The following CFAP58 variants were observed in gnomAD, a reference collection of about 807,000 sequenced individuals.
CFAP58 encodes the protein cilia- and flagella-associated protein 58.
CFAP58 carries 88 observed loss-of-function variants against 119.5 expected under a neutral mutation model. The ratio of observed to expected loss-of-function variants is 0.74; its 90% CI spans 0.62 to 0.88. The LOEUF (loss-of-function observed/expected upper bound fraction) is 0.88. Ranked by LOEUF, CFAP58 falls within the 40% of genes least tolerant of loss-of-function variation. The probability of loss-of-function intolerance (pLI) is 0.00; values close to 1 mark genes in which losing one functional copy is unlikely to be tolerated. For synonymous variants in CFAP58, 365 were observed against 366.3 expected, an observed-to-expected ratio of 1.00 and a Z score of 0.04; for missense variants, 990 against 1,021.2, an observed-to-expected ratio of 0.97 and a Z score of 0.42.
rs774381414 is a variant in CFAP58, at chr10:104,366,026, C to G, written c.792+18C>G. ...AGCAGAAGGTGAGTTGGGTGTGGGT[C>G]TTCGCAAAAAACCAAGAAAAACCCA... On this transcript the variant is annotated intron_variant, in intron 5 of 17. Coordinates refer to ENST00000369704, the MANE Select transcript of CFAP58 (RefSeq NM_001008723.2). 4 of 1,544,118 alleles carry G rather than the reference C, an allele frequency of 2.6e-6. No homozygotes were observed. Among genetic ancestry groups the G allele is most frequent in the Admixed American group, 2.2e-5 (1 of 45,298 alleles).
chr10:104,382,013 C>T, intron 9 of CFAP58: 2 of 695,342 alleles, frequency 2.9e-6, no homozygotes, highest in Non-Finnish European at 5.4e-6. Context: ...GTTTACACTG[C>T]ACAAATAACC....
At chr10:104,370,370 T>C (rs1213613100) in intron 6 of CFAP58, among the ~76,000 whole-genome samples, 2 of 152,218 alleles carry the variant, frequency 1.3e-5, no homozygotes, top group East Asian at 3.8e-4. Flanking sequence ...CAGTTCCACA[T>C]GGCTGGGGAG....
chr10:104,424,407 C>T (rs1262604159), intron 15 of CFAP58, among the ~76,000 whole-genome samples: 3 of 152,134 alleles, frequency 2.0e-5, no homozygotes. Flanking sequence ...CTCTTACATC[C>T]TTTTGTCCTG....
intron 1 of CFAP58, among the ~76,000 whole-genome samples, chr10:104,356,316 A>G (rs186831069): frequency 1.3e-5 from 2 of 152,322 alleles, no homozygotes; most frequent in Admixed American, 1.3e-4. Context: ...GACTTTTTCC[A>G]TATTGGGCAA....
rs112897125 is a variant in CFAP58, at chr10:104,359,790, C to A, written c.291+1168C>A. Among the ~76,000 whole-genome samples the A allele has an allele frequency of 2.0e-3, 306 of 152,020 alleles. 1 individual carries two copies. The highest frequency in any genetic ancestry group is 0.015 in the South Asian group (70 of 4,822). The stretch of plus-strand genomic sequence containing the variant: ...CAGCCTTGGCAACAGAGCAAGACTC[C>A]GTCTCCAAAAACAAAACAAAATAAA... On this transcript the variant is annotated intron_variant, in intron 2 of 17. Coordinates refer to ENST00000369704, the MANE Select transcript of CFAP58 (RefSeq NM_001008723.2).
At chr10:104,398,243 G>T (rs1357460156) in intron 11 of CFAP58, among the ~76,000 whole-genome samples, 1 of 152,142 alleles carries the variant, frequency 6.6e-6, no homozygotes, top group Admixed American at 6.5e-5. Context: ...ATCTTCAATG[G>T]ATGGCGAATC....
rs1470382741 is a variant in CFAP58, at chr10:104,400,687, G to T, written c.1823G>T (p.Ser608Ile). ...RQKKELDQVI[S>I]ERDILGSQLV... is the part of the protein sequence containing the mutation. ...CCCTCCCTACCTTCCTAGGTCATCA[G>T]TGAGAGAGATATCCTGGGGTCTCAG... Residue 608 changes from serine (S) to isoleucine (I), a missense_variant, in exon 13 of 18, where the codon AGT becomes ATT. Ser to Ile is a moderately radical substitution (Grantham distance 142). Transcript: ENST00000369704. 3 of 1,613,656 alleles carry T rather than the reference G, an allele frequency of 1.9e-6. No individual in the cohort carries two copies. Among genetic ancestry groups the T allele is most frequent in the Non-Finnish European group, 2.5e-6 (3 of 1,179,914 alleles).
chr10:104,368,934 G>T (rs1475166378), intron 6 of CFAP58, among the ~76,000 whole-genome samples: 1 of 152,184 alleles, frequency 6.6e-6, no homozygotes, highest in African/African-American at 2.4e-5. Context: ...GGGATGGAAT[G>T]GCTGGGAGAG....
intron 11 of CFAP58, among the ~76,000 whole-genome samples, chr10:104,394,135 C>G (rs870753): frequency 0.21 from 32,104 of 152,084 alleles, 3,731 homozygotes; most frequent in Non-Finnish European, 0.26. Flanking sequence ...ACATAAGGAC[C>G]CTTTCCAAGA....
At chr10:104,411,422 T>G (rs141217561) in intron 15 of CFAP58, among the ~76,000 whole-genome samples, 259 of 152,348 alleles carry the variant, frequency 1.7e-3, no homozygotes, top group African/African-American at 5.3e-3. Flanking sequence ...ATAGTCTTAA[T>G]CTGAGTGTTC....
At chr10:104,353,719 C>A, upstream of CFAP58, 1 of 585,016 alleles carries the variant, frequency 1.7e-6, no homozygotes, top group Non-Finnish European at 3.0e-6. Flanking sequence ...CGAATTCCCG[C>A]TAGCGCCCCT....
intron 15 of CFAP58, among the ~76,000 whole-genome samples, chr10:104,439,534 C>T (rs1297460149): frequency 6.6e-6 from 1 of 152,092 alleles, no homozygotes; most frequent in Non-Finnish European, 1.5e-5. Flanking sequence ...GAAAAAATCT[C>T]ACTGAAACTT....
Position 104,365,958 on chromosome 10 carries a change from A to T in CFAP58, c.742A>T (p.Lys248Ter). 6.2e-7 allele frequency: 1 copy of T among 1,611,202 alleles called. No individual in the cohort carries two copies. The highest frequency in any genetic ancestry group is 1.3e-5 in the African/African-American group (1 of 74,880). Residue 248 changes from lysine (K) to a stop codon, truncating the protein, a stop_gained, in exon 5 of 18, where the codon AAG (lysine) becomes TAG (stop). Coordinates refer to ENST00000369704, the MANE Select transcript of CFAP58 (RefSeq NM_001008723.2). LOFTEE classifies it high-confidence loss of function. ...EIKALQQYVQ[K>*]SKEELQKLEQ... Reference sequence around the variant, plus strand: ...AAAAGCCCTGCAGCAGTATGTGCAGAAGAGCAAGGAGGAGCTTCAGAAGCT... The same window carrying T: ...AAAAGCCCTGCAGCAGTATGTGCAGTAGAGCAAGGAGGAGCTTCAGAAGCT...
At chr10:104,426,297 A>G (rs1475609062) in intron 15 of CFAP58, among the ~76,000 whole-genome samples, 3 of 152,186 alleles carry the variant, frequency 2.0e-5, no homozygotes, top group Non-Finnish European at 4.4e-5. Context: ...ATCCCTGTGA[A>G]GGTCAAGGGA....
chr10:104,344,975 C>G, the CFAP58 span, among the ~76,000 whole-genome samples: 5 of 152,092 alleles, frequency 3.3e-5, no homozygotes, highest in African/African-American at 1.2e-4. Context: ...CAGTCAAACC[C>G]TGTCTCTACT....
intron 1 of CFAP58, among the ~76,000 whole-genome samples, chr10:104,357,841 A>G (rs201946401): frequency 0.031 from 2,289 of 74,016 alleles, 66 homozygotes; most frequent in Middle Eastern, 0.046. Flanking sequence ...ATATGTACAC[A>G]TATGTACACA....
chr10:104,435,292 G>A (rs1311893431), intron 15 of CFAP58, among the ~76,000 whole-genome samples: 2 of 152,340 alleles, frequency 1.3e-5, no homozygotes, highest in South Asian at 2.1e-4. Context: ...GACCAGCCTG[G>A]CCAGCATGGC....
At chr10:104,404,398 T>C (rs1024298920) in intron 14 of CFAP58, among the ~76,000 whole-genome samples, 1 of 152,218 alleles carries the variant, frequency 6.6e-6, no homozygotes, top group East Asian at 1.9e-4. Flanking sequence ...GACTTTCTGA[T>C]AGTCATTACC....
intron 15 of CFAP58, among the ~76,000 whole-genome samples, chr10:104,427,982 G>T (rs1429542611): frequency 6.6e-6 from 1 of 152,198 alleles, no homozygotes; most frequent in Non-Finnish European, 1.5e-5. Flanking sequence ...CTGTTGAGGG[G>T]ATGACATTTC....
Sources: allele counts gnomAD v4.1 joint callset (sites outside exome capture counted in the v4.1 genomes callset), GRCh38; gene constraint gnomAD v4.1.1; transcripts MANE v1.5; gene names NCBI Gene and HGNC (gene_info 2026-07-23, HGNC 2026-07-21).